GFPT1: variants seen among roughly 807,000 people sequenced by gnomAD.
GFPT1 encodes the protein glutamine--fructose-6-phosphate aminotransferase [isomerizing] 1.
Under a neutral mutation model 92.0 loss-of-function variants are expected in GFPT1, and 40 were observed. The ratio of observed to expected loss-of-function variants is 0.43; its 90% CI spans 0.34 to 0.57. GFPT1 has a LOEUF of 0.57. Ranked by LOEUF, GFPT1 falls within the 20% of genes least tolerant of loss-of-function variation. The pLI is 0.02. For missense variants in GFPT1, 448 were observed against 869.1 expected, an observed-to-expected ratio of 0.52 and a Z score of 6.09; for synonymous variants, 269 against 280.6, an observed-to-expected ratio of 0.96 and a Z score of 0.41.
rs370310082 is a variant in GFPT1, at chr2:69,386,027, TAA to T, written c.7+1036_7+1037del. Among the ~76,000 whole-genome samples the T allele has an allele frequency of 1.5e-3, 206 of 140,322 alleles. 1 individual carries two copies. Among genetic ancestry groups the T allele is most frequent in the African/African-American group, 4.6e-3 (177 of 38,310 alleles). 92.1% of individuals were successfully genotyped at this position (140,322 alleles called of 152,430 possible). ...ATTCTCTTACAATGGTACTTCCCTT[TAA>T]AAAAAAAAAAAAAAAGTGTACTTTC... On this transcript the variant is annotated intron_variant, in intron 1 of 19. Coordinates refer to ENST00000357308, the MANE Select transcript of GFPT1 (RefSeq NM_001244710.2).
chr2:69,338,607 A>C, intron 13 of GFPT1, 42 bp from the exon 14 acceptor site: 5 of 1,607,976 alleles, frequency 3.1e-6, no homozygotes, highest in Non-Finnish European at 4.3e-6. Context: ...TTTCCTTCAA[A>C]TACTCTTTCA....
chr2:69,351,221 G>T (rs1671199588), intron 9 of GFPT1, among the ~76,000 whole-genome samples: 2 of 151,968 alleles, frequency 1.3e-5, no homozygotes, highest in Non-Finnish European at 2.9e-5. Context: ...TTTAATTCTT[G>T]TATTTCAGAA....
At chr2:69,370,586 T>C (rs979615937) in intron 2 of GFPT1, among the ~76,000 whole-genome samples, 5 of 152,164 alleles carry the variant, frequency 3.3e-5, no homozygotes, top group African/African-American at 1.2e-4. Flanking sequence ...CAAAAATGTT[T>C]AGCAAAGCCC....
rs540093443 is a variant in GFPT1 at position 69,342,409 on chromosome 2, T to C, written c.1106-160A>G. Among the ~76,000 whole-genome samples, 3 of 152,282 alleles carry C rather than the reference T, an allele frequency of 2.0e-5. No individual in the cohort carries two copies. In the East Asian group the frequency reaches 5.8e-4, roughly 29 times the overall value. On this transcript the variant is annotated intron_variant, in intron 12 of 19. Coordinates refer to ENST00000357308, the MANE Select transcript of GFPT1 (RefSeq NM_001244710.2). ...CACAGTTCTCTGTAATTTTGAAAAG[T>C]AAATTAAATAAGTCACAACTTCACT...
At chr2:69,379,778 G>C (rs1574090699) in intron 1 of GFPT1, among the ~76,000 whole-genome samples, 1 of 151,920 alleles carries the variant, frequency 6.6e-6, no homozygotes, top group Non-Finnish European at 1.5e-5. Flanking sequence ...CTGGAGTATA[G>C]TGATGCGATC....
At chr2:69,349,073 A>T (rs2104637324) in intron 10 of GFPT1, among the ~76,000 whole-genome samples, 2 of 152,274 alleles carry the variant, frequency 1.3e-5, no homozygotes, top group Middle Eastern at 3.4e-3. Context: ...CATTCCCTTA[A>T]AGAAATTTAC....
rs1489373936 is a variant in GFPT1 at position 69,321,139 on chromosome 2, T to C, written c.*5050A>G. ...ACTCACTGACCTTAAATATTATCCT[T>C]TCTTTTGCAACTATCAATTCACTTA... On this transcript the variant is annotated 3_prime_UTR_variant, in exon 20 of 20. Transcript: ENST00000357308. The C allele has an allele frequency of 1.3e-5, 2 of 152,248 alleles. No homozygotes were observed. Among genetic ancestry groups the C allele is most frequent in the Non-Finnish European group, 2.9e-5 (2 of 68,038 alleles). The allele number at this position is 152,248 out of a possible 1,614,324, so 9.4% of individuals were successfully genotyped here.
intron 15 of GFPT1, among the ~76,000 whole-genome samples, chr2:69,334,216 A>G (rs565346475): frequency 3.3e-5 from 5 of 151,960 alleles, no homozygotes; most frequent in Admixed American, 6.6e-5. Context: ...TAACATAAAA[A>G]CTCTTATTTG....
In GFPT1 at chr2:69,328,376, G is replaced by T. The variant is rs148545545; in HGVS notation, c.1788C>A (p.Gly596=). ...TCAATTTATCCACCAAAGCCAGAGG[G>T]CCATGTTTCAATTCACCAGCAAGGA... is the stretch of plus-strand genomic sequence containing the variant. ...EGILAGELKH[G]PLALVDKLMP... Residue 596 remains glycine (G), a synonymous_variant, in exon 18 of 20, where the codon GGC becomes GGA. Transcript: ENST00000357308. 6.2e-7 allele frequency: 1 copy of T among 1,612,442 alleles called. No homozygotes were observed. Among genetic ancestry groups the T allele is most frequent in the African/African-American group, 1.3e-5 (1 of 74,858 alleles).
chr2:69,343,433 C>CA (rs201862713), intron 12 of GFPT1, among the ~76,000 whole-genome samples: 1,718 of 149,476 alleles, frequency 0.011, 33 homozygotes, highest in African/African-American at 0.04. Flanking sequence ...TTTTTTGAGA[C>CA]AGAGTCTTGC....
intron 1 of GFPT1, among the ~76,000 whole-genome samples, chr2:69,379,177 T>C (rs1472912962): frequency 6.6e-6 from 1 of 152,326 alleles, no homozygotes; most frequent in East Asian, 1.9e-4. Context: ...TTCCAACCCC[T>C]TTCTCAGAGA....
chr2:69,358,175 T>C (rs909013139), intron 6 of GFPT1, among the ~76,000 whole-genome samples, 154 bp downstream of exon 6: 1 of 152,186 alleles, frequency 6.6e-6, no homozygotes, highest in Non-Finnish European at 1.5e-5. Flanking sequence ...AATAAATCAA[T>C]CAGTTTCTCA....
chr2:69,368,409 G>C (rs1671661854), intron 3 of GFPT1, among the ~76,000 whole-genome samples: 1 of 152,004 alleles, frequency 6.6e-6, no homozygotes, highest in African/African-American at 2.4e-5. Context: ...GAGTAAAGTA[G>C]ACACTCAGAT....
At chr2:69,354,143 A>T (rs1402229004) in intron 9 of GFPT1, 116 bp downstream of exon 9, 8 of 620,112 alleles carry the variant, frequency 1.3e-5, no homozygotes, top group Middle Eastern at 5.2e-4. Context: ...TTCCCCACAA[A>T]ATAAGCACAT....
chr2:69,346,244 CTT>C (rs927368693), intron 11 of GFPT1, among the ~76,000 whole-genome samples: 1 of 145,596 alleles, frequency 6.9e-6, no homozygotes. Context: ...ATGAGACAAG[CTT>C]TTTTTTTTTT....
intron 18 of GFPT1, among the ~76,000 whole-genome samples, chr2:69,327,968 G>A (rs1670570979): frequency 6.6e-6 from 1 of 151,896 alleles, no homozygotes; most frequent in African/African-American, 2.4e-5. Context: ...GCGTGGTGGA[G>A]TGTGCCTGTA....
chr2:69,326,297 T>C, intron 19 of GFPT1, 64 bp from the exon 20 acceptor site: 1 of 989,070 alleles, frequency 1.0e-6, no homozygotes, highest in Non-Finnish European at 1.6e-6. Context: ...AAGGGGGTGG[T>C]TACTATAAGC....
rs1670579971 is a variant in GFPT1 at position 69,328,272 on chromosome 2, T to C, written c.1892A>G (p.Gln631Arg). The C allele has an allele frequency of 6.2e-7, 1 of 1,613,310 alleles. No individual in the cohort carries two copies. Among genetic ancestry groups the C allele is most frequent in the Non-Finnish European group, 8.5e-7 (1 of 1,179,296 alleles). The change falls in exon 18 of 20, where the codon CAG (glutamine) becomes CGG (arginine). Residue 631 changes from glutamine to arginine, a missense_variant and splice_region_variant. This residue lies in a region of GFPT1 where 55 missense variants were observed against 98.8 expected (regional missense o/e 0.56). Transcript: ENST00000357308. ...TGTTCTCACAGTCCCCCGACTTACC[T>C]GCCGAGCAACCACTTGCTGAAGAGC... ...QNALQQVVARQGRPVVICDKE... is the reference protein window; with the variant it reads ...QNALQQVVARRGRPVVICDKE...
chr2:69,328,146 C>A, intron 18 of GFPT1, 125 bp downstream of exon 18: 1 of 722,582 alleles, frequency 1.4e-6, no homozygotes, highest in Admixed American at 1.9e-5. Context: ...CACATGTAAA[C>A]CTCAAAGGCT....
Sources: allele counts gnomAD v4.1 joint callset (sites outside exome capture counted in the v4.1 genomes callset), GRCh38; gene constraint gnomAD v4.1.1; regional missense constraint gnomAD v4.1.1; transcripts MANE v1.5; gene names NCBI Gene and HGNC (gene_info 2026-07-23, HGNC 2026-07-21).